Variants in VWA8 observed in about 807,000 individuals in gnomAD.
The protein encoded by VWA8 is von Willebrand factor A domain containing 8, also known as von Willebrand factor A domain-containing protein 8.
VWA8 carries 221 observed loss-of-function variants against 241.5 expected under a neutral mutation model. That is an observed-to-expected ratio of 0.91 (90% CI 0.82 to 1.02). The LOEUF (loss-of-function observed/expected upper bound fraction) is 1.02. Among genes scored for constraint, VWA8 ranks in the 50% least tolerant of loss-of-function variants. VWA8 has a pLI of 0.00. For synonymous variants in VWA8, 852 were observed against 827.1 expected (o/e 1.03, Z -0.52); for missense variants, 2,322 against 2,328.7 (o/e 1.00, Z 0.06).
At chr13:41,672,228 A>C (rs2045030848) in intron 36 of VWA8, among the ~76,000 whole-genome samples, 1 of 152,320 alleles carries the variant, frequency 6.6e-6, no homozygotes, top group East Asian at 1.9e-4. Flanking sequence ...GTGACTCTAT[A>C]ACAAGGAATG....
At chr13:41,636,940 A>T (rs972921712) in intron 37 of VWA8, among the ~76,000 whole-genome samples, 1 of 151,550 alleles carries the variant, frequency 6.6e-6, no homozygotes, top group Non-Finnish European at 1.5e-5. Flanking sequence ...GATGTGGAGA[A>T]ATAGGAACAC....
intron 20 of VWA8, among the ~76,000 whole-genome samples, chr13:41,770,623 T>TCC (rs1270344625): frequency 6.6e-6 from 1 of 151,908 alleles, no homozygotes; most frequent in Non-Finnish European, 1.5e-5. Flanking sequence ...TTCTAGGATA[T>TCC]CCCTCACTGC....
In VWA8 at chr13:41,699,022, C is replaced by T. The variant is rs761316418; in HGVS notation, c.3564+49G>A. The T allele has an allele frequency of 2.5e-6, 4 of 1,608,566 alleles. No individual in the cohort carries two copies. The South Asian group carries it at 4.4e-5, about 18-fold the overall frequency. ...AGTTATAGGTTTCTAATCACTCTTG[C>T]CTTTCATGTAAGTCATTCCTCACAT... On this transcript the variant is annotated intron_variant, in intron 29 of 44. Transcript: ENST00000379310.
rs556766778 is a variant in VWA8, at chr13:41,740,429, G to A, written c.2427-8274C>T. Among the ~76,000 whole-genome samples the A allele has an allele frequency of 2.0e-5, 3 of 152,310 alleles. No homozygotes were observed. In the East Asian group the frequency reaches 5.8e-4, roughly 29 times the overall value. ...AGGAAAATAGCAGCAAGGAGCTGTT[G>A]TCCTGAGCCAACACTTTCAGGAAAC... On this transcript the variant is annotated intron_variant, in intron 21 of 44. Transcript: ENST00000379310.
chr13:41,616,632 T>C (rs555811602), intron 37 of VWA8, among the ~76,000 whole-genome samples: 1 of 152,296 alleles, frequency 6.6e-6, no homozygotes, highest in East Asian at 1.9e-4. Flanking sequence ...CACTAATCAA[T>C]AAAATTTTCT....
intron 44 of VWA8, 37 bp downstream of exon 44, chr13:41,570,431 G>A: frequency 1.9e-6 from 3 of 1,572,158 alleles, no homozygotes; most frequent in East Asian, 2.2e-5. Flanking sequence ...CAGTATCTCT[G>A]TACCTGCCCT....
At chr13:41,849,617 G>C in intron 12 of VWA8, among the ~76,000 whole-genome samples, 1 of 152,272 alleles carries the variant, frequency 6.6e-6, no homozygotes, top group Middle Eastern at 3.4e-3. Context: ...GGTCAGGCAC[G>C]GTGGCTCGTG....
At chr13:41,849,687 G>C (rs1450566450) in intron 12 of VWA8, among the ~76,000 whole-genome samples, 1 of 152,164 alleles carries the variant, frequency 6.6e-6, no homozygotes, top group Non-Finnish European at 1.5e-5. Flanking sequence ...AGGAGTTCAA[G>C]ACCAGCCTGA....
At chr13:41,958,203 T>C (rs930169288) in intron 1 of VWA8, among the ~76,000 whole-genome samples, 1 of 152,224 alleles carries the variant, frequency 6.6e-6, no homozygotes, top group African/African-American at 2.4e-5. Context: ...CTATTTTCCT[T>C]CTGCTTATCA....
In VWA8 at chr13:41,692,875, T is replaced by C. The variant is rs1246687985; in HGVS notation, c.3662A>G (p.Asn1221Ser). The change falls in exon 30 of 45, where the codon AAC becomes AGC. Residue 1221 changes from asparagine to serine, a missense_variant. Transcript: ENST00000379310. ...KFTSKKPFWW[N>S]KEEAETYKMC... ...GGTGTTTCTTACAGCTTCTTCTTTG[T>C]TCCACCAGAAAGGTTTCTTAGATGT... The C allele has an allele frequency of 1.9e-6, 3 of 1,610,596 alleles. No homozygotes were observed. Among genetic ancestry groups the C allele is most frequent in the South Asian group, 2.2e-5 (2 of 90,928 alleles).
chr13:41,882,795 A>T (rs1457234435), intron 9 of VWA8, among the ~76,000 whole-genome samples: 2 of 150,960 alleles, frequency 1.3e-5, no homozygotes, highest in Admixed American at 1.3e-4. Context: ...GAGACCGTGG[A>T]AAGAGAGGGA....
At chr13:41,947,921 G>T (rs1484481834) in intron 2 of VWA8, among the ~76,000 whole-genome samples, 1 of 100,004 alleles carries the variant, frequency 1.0e-5, no homozygotes, top group Non-Finnish European at 1.8e-5. Context: ...CACAAAGTGA[G>T]ACCCTGTCTC....
chr13:41,671,172 C>T (rs1389637667), intron 36 of VWA8, 25 bp from the exon 37 acceptor site: 1 of 1,611,986 alleles, frequency 6.2e-7, no homozygotes, highest in Admixed American at 1.7e-5. Flanking sequence ...CCAAGTGAAG[C>T]TAAGAGACCA....
At chr13:41,947,954 C>A (rs7997953) in intron 2 of VWA8, among the ~76,000 whole-genome samples, 43,263 of 62,438 alleles carry the variant, frequency 0.69, 15,864 homozygotes, top group East Asian at 0.93. Flanking sequence ...AAAAAAAAAA[C>A]AAAACAAAAC....
At chr13:41,906,888 G>A (rs1875746882) in intron 4 of VWA8, among the ~76,000 whole-genome samples, 1 of 151,954 alleles carries the variant, frequency 6.6e-6, no homozygotes, top group Non-Finnish European at 1.5e-5. Flanking sequence ...GCCAATCTGA[G>A]AGGTAAAAGA....
Position 41,863,436 on chromosome 13 carries a change from T to TGA in VWA8, c.1425+2299_1425+2300insTC, listed in dbSNP as rs1429033991. ...GTGTGTGTGTGTGTGTGTGTGTGTA[T>TGA]ATATATATATATATATATTCACACA... On this transcript the variant is annotated intron_variant, in intron 12 of 44. Transcript: ENST00000379310. 2.8e-5 allele frequency among the ~76,000 whole-genome samples: 2 copies of TGA among 71,670 alleles called. 1 individual carries two copies. The highest frequency in any genetic ancestry group is 5.7e-5 in the Non-Finnish European group (2 of 34,964). The allele number at this position is 71,670 out of a possible 152,430, so 47.0% of individuals were successfully genotyped here.
intron 44 of VWA8, 41 bp downstream of exon 44, chr13:41,570,427 C>T (rs1352906967): frequency 6.4e-7 from 1 of 1,562,334 alleles, no homozygotes; most frequent in East Asian, 2.2e-5. Context: ...TACTCAGTAT[C>T]TCTGTACCTG....
At chr13:41,947,538 G>A (rs574531231) in intron 2 of VWA8, among the ~76,000 whole-genome samples, 75 of 152,330 alleles carry the variant, frequency 4.9e-4, no homozygotes, top group African/African-American at 1.7e-3. Context: ...GACTATGGCT[G>A]TAATAAAAAA....
At chr13:41,671,207 A>C (rs2045021070) in intron 36 of VWA8, 60 bp from the exon 37 acceptor site, 2 of 1,548,366 alleles carry the variant, frequency 1.3e-6, no homozygotes, top group Non-Finnish European at 1.8e-6. Context: ...GAGGGATGAC[A>C]CTGCACATTG....
Sources: gnomAD v4.1 joint callset for allele counts (sites outside exome capture counted in the v4.1 genomes callset) on GRCh38, gnomAD v4.1.1 for gene constraint, MANE v1.5 for transcripts, NCBI Gene and HGNC (gene_info 2026-07-23, HGNC 2026-07-21) for gene names.